Variants in RAB4B observed in about 807,000 individuals in gnomAD.
RAB4B encodes the protein ras-related protein Rab-4B.
RAB4B carries 15 observed loss-of-function variants against 28.3 expected under a neutral mutation model. That is an observed-to-expected ratio of 0.53 (90% confidence interval 0.35 to 0.82). RAB4B has a LOEUF of 0.82. Among genes scored for constraint, RAB4B ranks in the 40% least tolerant of loss-of-function variants. The pLI, the probability that RAB4B is intolerant of heterozygous loss-of-function variation, is 0.01. For missense variants in RAB4B, 244 were observed against 288.5 expected, an observed-to-expected ratio of 0.85 and a Z score of 1.12; for synonymous variants, 108 against 116.3, an observed-to-expected ratio of 0.93 and a Z score of 0.46.
intron 7 of RAB4B, among the ~76,000 whole-genome samples, chr19:40,793,572 GTTTTTTTT>G (rs373163247): frequency 4.0e-5 from 5 of 125,430 alleles, no homozygotes; most frequent in Admixed American, 2.3e-4. Context: ...TTTCTTTTTT[GTTTTTTTT>G]TTTTTTTTTT....
chr19:40,782,674 G>A (rs533744514), intron 3 of RAB4B, among the ~76,000 whole-genome samples: 10 of 152,022 alleles, frequency 6.6e-5, no homozygotes, highest in Admixed American at 2.0e-4. Flanking sequence ...TTAGCCGGGC[G>A]TGGTGGTGCA....
At chr19:40,782,349 A>G (rs546911013) in intron 3 of RAB4B, among the ~76,000 whole-genome samples, 56 of 152,246 alleles carry the variant, frequency 3.7e-4, no homozygotes, top group African/African-American at 1.3e-3. Context: ...TCCACCTGAC[A>G]CAGCAGGAGA....
intron 3 of RAB4B, among the ~76,000 whole-genome samples, chr19:40,781,609 A>G (rs2083048701): frequency 2.0e-5 from 3 of 152,232 alleles, no homozygotes; most frequent in Admixed American, 6.5e-5. Context: ...ATCTTTCCAA[A>G]AGAGAGATGG....
In RAB4B at chr19:40,778,266, C is replaced by A; in HGVS notation, c.-110C>A. The A allele has an allele frequency of 9.2e-7, 1 of 1,089,636 alleles. No individual in the cohort carries two copies. The highest frequency in any genetic ancestry group is 1.6e-5 in the South Asian group (1 of 62,822). The allele number at this position is 1,089,636 out of a possible 1,614,324, so 67.5% of individuals were successfully genotyped here. ...GGAGGCGGAAGTGGCGGTGCCGGGCCCGGGGAGTAGGAAGGAGCCGGGGCT... is the reference window on the plus strand; with the variant it reads ...GGAGGCGGAAGTGGCGGTGCCGGGCACGGGGAGTAGGAAGGAGCCGGGGCT... On this transcript the variant is annotated 5_prime_UTR_variant, in exon 1 of 8. Transcript: ENST00000357052.
At chr19:40,788,481 T>TAAAAAAA (rs751428239) in intron 7 of RAB4B, among the ~76,000 whole-genome samples, 1 of 67,100 alleles carries the variant, frequency 1.5e-5, no homozygotes, top group African/African-American at 5.5e-5. Context: ...GCGAGACTCT[T>TAAAAAAA]AAAAAAAAAA....
chr19:40,784,279 C>T (rs1719131222), intron 5 of RAB4B, among the ~76,000 whole-genome samples: 1 of 152,068 alleles, frequency 6.6e-6, no homozygotes, highest in African/African-American at 2.4e-5. Flanking sequence ...ACTGCTTGAG[C>T]CCAGGAGTTT....
chr19:40,791,143 T>C (rs2083155638), intron 7 of RAB4B, among the ~76,000 whole-genome samples: 1 of 151,986 alleles, frequency 6.6e-6, no homozygotes, highest in Non-Finnish European at 1.5e-5. Flanking sequence ...GCGTGAGACA[T>C]TGCGCCCGGC....
intron 7 of RAB4B, among the ~76,000 whole-genome samples, chr19:40,787,637 C>T (rs1259655945): frequency 6.8e-6 from 1 of 146,186 alleles, no homozygotes; most frequent in Non-Finnish European, 1.5e-5. Context: ...GGGCCAGGGT[C>T]AGGGCACAGG....
intron 1 of RAB4B, 24 bp from the exon 2 acceptor site, chr19:40,779,995 C>T (rs1316308035): frequency 6.2e-7 from 1 of 1,611,316 alleles, no homozygotes; most frequent in Middle Eastern, 1.7e-4. Flanking sequence ...GTGGGTATCC[C>T]TGATTTTGGC....
intron 3 of RAB4B, among the ~76,000 whole-genome samples, chr19:40,783,406 A>T (rs887875674): frequency 1.3e-5 from 2 of 152,120 alleles, no homozygotes; most frequent in Admixed American, 1.3e-4. Context: ...AGATCGTACC[A>T]CTGCACTCCA....
intron 5 of RAB4B, 26 bp from the exon 6 acceptor site, chr19:40,786,639 T>C (rs2083101996): frequency 1.9e-6 from 3 of 1,613,176 alleles, no homozygotes; most frequent in South Asian, 2.2e-5. Context: ...ACTGGGGCCC[T>C]GACCTCAGAG....
chr19:40,780,115 T>C lies in RAB4B; in HGVS notation c.97+16T>C. The C allele has an allele frequency of 6.2e-7, 1 of 1,613,334 alleles. No homozygotes were observed. Among genetic ancestry groups the C allele is most frequent in the Non-Finnish European group, 8.5e-7 (1 of 1,179,402 alleles). ...GAGAATAAGTGTGAGTTTCCCGCAG[T>C]GGTCCTGGGAACCCTGAGCTGTGTT... On this transcript the variant is annotated intron_variant, in intron 2 of 7. Transcript: ENST00000357052.
At chr19:40,783,146 T>A (rs1299629127) in intron 3 of RAB4B, among the ~76,000 whole-genome samples, 22 of 25,730 alleles carry the variant, frequency 8.6e-4, no homozygotes, top group South Asian at 3.8e-3. Context: ...AGATTCCTAC[T>A]CAAAAAAAAA....
intron 3 of RAB4B, among the ~76,000 whole-genome samples, chr19:40,782,725 A>AT (rs2083060397): frequency 6.6e-6 from 1 of 152,176 alleles, no homozygotes; most frequent in Non-Finnish European, 1.5e-5. Flanking sequence ...AGGCAGGAGA[A>AT]TCACTTGCAT....
intron 7 of RAB4B, among the ~76,000 whole-genome samples, chr19:40,793,395 C>T (rs1004776512): frequency 2.0e-5 from 3 of 151,674 alleles, no homozygotes; most frequent in Non-Finnish European, 2.9e-5. Context: ...CCACCACGCC[C>T]AGCTAATTTT....
chr19:40,786,822 A>T lies in RAB4B; in HGVS notation c.527-26A>T, dbSNP rs750256932. 2.5e-6 allele frequency: 4 copies of T among 1,614,110 alleles called. No homozygotes were observed. The Admixed American group carries it at 6.7e-5, about 27-fold the overall frequency. ...AGGCCCGGGGGTCTCCAGGCAACCA[A>T]TGCTGACCTCTCCCCTTCCCCACAG... On this transcript the variant is annotated intron_variant, in intron 6 of 7. Coordinates refer to ENST00000357052, the MANE Select transcript of RAB4B (RefSeq NM_016154.5).
intron 7 of RAB4B, among the ~76,000 whole-genome samples, chr19:40,791,917 G>A (rs756380973): frequency 2.6e-5 from 4 of 152,218 alleles, no homozygotes; most frequent in Non-Finnish European, 5.9e-5. Flanking sequence ...ATAGGCATGA[G>A]CCACTGCACC....
At position 40,787,544 on chromosome 19, in the gene RAB4B, AAAAG is replaced by A. The variant is rs556415244; in HGVS notation, c.*15+575_*15+578del. ...GAGCAAGACTTTGTCTCAAAAAAAA[AAAAG>A]AAAGAAAGGTCAGGACCAGATGGGG... On this transcript the variant is annotated intron_variant, in intron 7 of 7. Transcript: ENST00000357052. 9.8e-4 allele frequency among the ~76,000 whole-genome samples: 148 copies of A among 151,310 alleles called. 1 individual carries two copies. The highest frequency in any genetic ancestry group is 4.0e-3 in the South Asian group (19 of 4,774).
chr19:40,794,708 T>G (rs1460530042), intron 7 of RAB4B: 3 of 151,712 alleles, frequency 2.0e-5, no homozygotes, highest in Non-Finnish European at 4.4e-5. Context: ...GGCCTCACCC[T>G]AGAGATTCTG....
Sources: allele counts gnomAD v4.1 joint callset (sites outside exome capture counted in the v4.1 genomes callset), GRCh38; gene constraint gnomAD v4.1.1; transcripts MANE v1.5; gene names NCBI Gene and HGNC (gene_info 2026-07-23, HGNC 2026-07-21).